Variants in DERA observed in about 807,000 individuals in gnomAD.
DERA encodes deoxyribose-phosphate aldolase, also known as 2-deoxy-D-ribose 5-phosphate aldolase.
DERA carries 15 observed loss-of-function variants against 41.1 expected under a neutral mutation model. The ratio of observed to expected loss-of-function variants is 0.37; its 90% CI spans 0.24 to 0.56. The LOEUF (loss-of-function observed/expected upper bound fraction) is 0.56. Ranked by LOEUF, DERA falls within the 20% of genes least tolerant of loss-of-function variation. The pLI is 0.81. For missense variants in DERA, 396 were observed against 403.4 expected (o/e 0.98, Z 0.16); for synonymous variants, 139 against 137.4 (o/e 1.01, Z -0.08).
chr12:15,988,338 G>A lies in DERA; in HGVS notation c.637+5902G>A, dbSNP rs1476085384. On this transcript the variant is annotated intron_variant, in intron 6 of 8. Transcript: ENST00000428559. The surrounding 1 kb of genome is among the most constrained non-coding windows in gnomAD (Gnocchi z 6.0). ...AGAAAGAAGTACTTGGACAACTGGA[G>A]GGTGAGCAAGGCACAGAGGAGCTTC... is the stretch of plus-strand genomic sequence containing the variant. Among the ~76,000 whole-genome samples the A allele has an allele frequency of 6.6e-6, 1 of 152,154 alleles. No homozygotes were observed. Among genetic ancestry groups the A allele is most frequent in the African/African-American group, 2.4e-5 (1 of 41,430 alleles).
chr12:15,920,440 AGTT>A (rs1948234619), intron 1 of DERA, among the ~76,000 whole-genome samples: 1 of 152,184 alleles, frequency 6.6e-6, no homozygotes, highest in South Asian at 2.1e-4. Flanking sequence ...CTTTTCCACT[AGTT>A]TACCATGAGC....
chr12:15,949,729 C>G (rs1948482602), intron 1 of DERA, among the ~76,000 whole-genome samples: 1 of 152,138 alleles, frequency 6.6e-6, no homozygotes, highest in African/African-American at 2.4e-5. Context: ...CCGACAAGCC[C>G]CAGTGAGATG....
At chr12:15,920,010 GAGAA>G (rs1182375240) in intron 1 of DERA, among the ~76,000 whole-genome samples, 27 of 151,924 alleles carry the variant, frequency 1.8e-4, no homozygotes, top group South Asian at 2.1e-4. Flanking sequence ...GTGTGTGAGA[GAGAA>G]AGAGAGAGAG....
chr12:15,991,092 T>TTTTC (rs1417219955), intron 6 of DERA, among the ~76,000 whole-genome samples: 1 of 152,168 alleles, frequency 6.6e-6, no homozygotes, highest in Non-Finnish European at 1.5e-5. Flanking sequence ...AAATAGGTCC[T>TTTTC]TTTTCTCCAC....
Position 15,994,690 on chromosome 12 carries a change from C to T in DERA, c.637+12254C>T, listed in dbSNP as rs1043453589. On this transcript the variant is annotated intron_variant, in intron 6 of 8. Transcript: ENST00000428559. The surrounding 1 kb of genome is among the most constrained non-coding windows in gnomAD (Gnocchi z 4.8). ...GCATGGTCTCGATCTCCTGACCTCG[C>T]GATCCACCCACCTCGGCCTCCCAAA... Among the ~76,000 whole-genome samples, 9 of 152,016 alleles carry T rather than the reference C, an allele frequency of 5.9e-5. No individual in the cohort carries two copies. Among genetic ancestry groups the T allele is most frequent in the East Asian group, 1.9e-4 (1 of 5,176 alleles).
intron 6 of DERA, among the ~76,000 whole-genome samples, chr12:16,023,464 A>AG (rs1230713486): frequency 4.0e-5 from 6 of 149,438 alleles, no homozygotes; most frequent in Non-Finnish European, 5.9e-5. Context: ...AAGAAAAAAA[A>AG]CTCAAAGTCT....
rs1313064266 is a variant in DERA, at chr12:15,931,822, T to G, written c.31+20408T>G. On this transcript the variant is annotated intron_variant, in intron 1 of 8. Transcript: ENST00000428559. The surrounding 1 kb of genome is among the most constrained non-coding windows in gnomAD (Gnocchi z 4.6). The stretch of plus-strand genomic sequence containing the variant: ...GGGAATAGATTAATTCTCATGAGAG[T>G]GGGTTGTTAAAAATAATCTGGCTTC... Among the ~76,000 whole-genome samples the G allele has an allele frequency of 3.9e-5, 6 of 152,078 alleles. No homozygotes were observed.
chr12:16,016,688 G>A (rs1049497900), intron 6 of DERA, among the ~76,000 whole-genome samples: 1 of 150,632 alleles, frequency 6.6e-6, no homozygotes, highest in South Asian at 2.1e-4. Flanking sequence ...GCTACGTGGA[G>A]GGCTGAGGCA....
At chr12:15,925,023 C>T (rs1286953013) in intron 1 of DERA, among the ~76,000 whole-genome samples, 1 of 152,166 alleles carries the variant, frequency 6.6e-6, no homozygotes, top group Non-Finnish European at 1.5e-5. Context: ...GCATTGCTCC[C>T]CTTGTCTGGG....
In DERA at chr12:16,001,687, G is replaced by A. The variant is rs1180797082; in HGVS notation, c.637+19251G>A. Among the ~76,000 whole-genome samples, 1 of 152,176 alleles carries A rather than the reference G, an allele frequency of 6.6e-6. No homozygotes were observed. Among genetic ancestry groups the A allele is most frequent in the South Asian group, 2.1e-4 (1 of 4,822 alleles). On this transcript the variant is annotated intron_variant, in intron 6 of 8. Transcript: ENST00000428559. This position sits in a 1 kb window ranked among gnomAD's most constrained non-coding sequence, Gnocchi z 4.1. Reference sequence around the variant, plus strand: ...TAGTTGGAATAAAATTACAACTGAGGAAGGACAAGAATAAATGGTATCAGA... The same window carrying A: ...TAGTTGGAATAAAATTACAACTGAGAAAGGACAAGAATAAATGGTATCAGA...
In DERA at chr12:15,973,927, T is replaced by C. The variant is rs555650607; in HGVS notation, c.509-8381T>C. 8.5e-5 allele frequency among the ~76,000 whole-genome samples: 13 copies of C among 152,344 alleles called. 1 individual carries two copies. Among genetic ancestry groups the C allele is most frequent in the African/African-American group, 3.1e-4 (13 of 41,580 alleles). ...ACATATCAAATTATTTTTTAACTTT[T>C]ATTTTTGAATAATTTTAAACTTACA... is the stretch of plus-strand genomic sequence containing the variant. On this transcript the variant is annotated intron_variant, in intron 5 of 8. Transcript: ENST00000428559.
chr12:15,985,066 C>G lies in DERA; in HGVS notation c.637+2630C>G, dbSNP rs541912769. 3.3e-5 allele frequency: 5 copies of G among 152,286 alleles called. No homozygotes were observed. Among genetic ancestry groups the G allele is most frequent in the African/African-American group, 1.2e-4 (5 of 41,564 alleles). The allele number at this position is 152,286 out of a possible 1,614,324, so 9.4% of individuals were successfully genotyped here. A position where few individuals can be genotyped will look rare whatever the true frequency, so the allele number is the denominator to read the frequency against. ...GATGAGTTTGGCAGTTTGCAAACAC[C>G]TGTAACCACTACTCCCTTCAAGACA... On this transcript the variant is annotated intron_variant, in intron 6 of 8. Coordinates refer to ENST00000428559, the MANE Select transcript of DERA (RefSeq NM_015954.4). The surrounding 1 kb of genome is among the most constrained non-coding windows in gnomAD (Gnocchi z 4.2).
chr12:15,944,196 C>T (rs1948429560), intron 1 of DERA, among the ~76,000 whole-genome samples: 1 of 152,082 alleles, frequency 6.6e-6, no homozygotes, highest in Non-Finnish European at 1.5e-5. Flanking sequence ...CATACATGTG[C>T]ATGTGTCTTT....
rs1044302082 is a variant in DERA at position 16,035,069 on chromosome 12, T to A, written c.751-1163T>A. On this transcript the variant is annotated intron_variant, in intron 7 of 8. Transcript: ENST00000428559. The surrounding 1 kb of genome is among the most constrained non-coding windows in gnomAD (Gnocchi z 4.1). The stretch of plus-strand genomic sequence containing the variant: ...GAGGCAGGGAAACCAGTTAAAAGAC[T>A]TTTACTGATATTTCCTGTGAGAATT... Among the ~76,000 whole-genome samples the A allele has an allele frequency of 6.6e-6, 1 of 152,202 alleles. No homozygotes were observed. Among genetic ancestry groups the A allele is most frequent in the Admixed American group, 6.5e-5 (1 of 15,274 alleles).
Position 15,922,647 on chromosome 12 carries a change from G to A in DERA, c.31+11233G>A, listed in dbSNP as rs895584777. Among the ~76,000 whole-genome samples the A allele has an allele frequency of 2.0e-5, 3 of 152,218 alleles. No individual in the cohort carries two copies. Among genetic ancestry groups the A allele is most frequent in the African/African-American group, 4.8e-5 (2 of 41,458 alleles). Reference sequence around the variant, plus strand: ...AGGCCAAGTTGAAATTAGGTATCCTGTGGAAAGAATGTCAGGGAATGTGTA... The same window carrying A: ...AGGCCAAGTTGAAATTAGGTATCCTATGGAAAGAATGTCAGGGAATGTGTA... On this transcript the variant is annotated intron_variant, in intron 1 of 8. Coordinates refer to ENST00000428559, the MANE Select transcript of DERA (RefSeq NM_015954.4). This position sits in a 1 kb window ranked among gnomAD's most constrained non-coding sequence, Gnocchi z 4.9.
At chr12:16,007,480 C>T (rs933107075) in intron 6 of DERA, among the ~76,000 whole-genome samples, 19 of 152,022 alleles carry the variant, frequency 1.2e-4, no homozygotes, top group African/African-American at 3.9e-4. Flanking sequence ...CACTGTGCCC[C>T]GCCAATAGAC....
In DERA at chr12:15,970,601, T is replaced by C. The variant is rs1048667825; in HGVS notation, c.508+7654T>C. ...TAAATTTTCATTTCTTTTTTTAAAA[T>C]ACACCATTCTATTTTTGAAAATAAT... On this transcript the variant is annotated intron_variant, in intron 5 of 8. Coordinates refer to ENST00000428559, the MANE Select transcript of DERA (RefSeq NM_015954.4). This position sits in a 1 kb window ranked among gnomAD's most constrained non-coding sequence, Gnocchi z 4.3. 2.6e-5 allele frequency among the ~76,000 whole-genome samples: 4 copies of C among 152,076 alleles called. No homozygotes were observed. The highest frequency in any genetic ancestry group is 4.4e-5 in the Non-Finnish European group (3 of 68,004).
intron 1 of DERA, among the ~76,000 whole-genome samples, chr12:15,933,061 A>G (rs116576649): frequency 0.015 from 2,276 of 152,272 alleles, 55 homozygotes; most frequent in African/African-American, 0.052. Flanking sequence ...TTCTTTATCC[A>G]TTCTTCATTG....
rs534697442 is a variant in DERA, at chr12:15,981,209, G to A, written c.509-1099G>A. Reference sequence around the variant, plus strand: ...TAAAACTACAAAAAGTTACCCAGGCGTGGTGGCAGGCGCCTGTAGTCCCAG... The same window carrying A: ...TAAAACTACAAAAAGTTACCCAGGCATGGTGGCAGGCGCCTGTAGTCCCAG... On this transcript the variant is annotated intron_variant, in intron 5 of 8. Transcript: ENST00000428559. This position sits in a 1 kb window ranked among gnomAD's most constrained non-coding sequence, Gnocchi z 6.1. 1.1e-4 allele frequency among the ~76,000 whole-genome samples: 17 copies of A among 152,200 alleles called. No individual in the cohort carries two copies. The highest frequency in any genetic ancestry group is 6.8e-3 in the Middle Eastern group (2 of 294).
Sources: allele counts gnomAD v4.1 joint callset (sites outside exome capture counted in the v4.1 genomes callset), GRCh38; gene constraint gnomAD v4.1.1; non-coding constraint Gnocchi (gnomAD v3.1); transcripts MANE v1.5; gene names NCBI Gene and HGNC (gene_info 2026-07-23, HGNC 2026-07-21).